RIT2: variants seen among roughly 807,000 people sequenced by gnomAD.
The protein encoded by RIT2 is Ras like without CAAX 2, also known as GTP-binding protein Rit2.
Under a neutral mutation model 23.7 loss-of-function variants are expected in RIT2, and 24 were observed. The ratio of observed to expected loss-of-function variants is 1.01; its 90% CI spans 0.73 to 1.43. The LOEUF (loss-of-function observed/expected upper bound fraction) is 1.43. Among genes scored for constraint, RIT2 ranks in the 40% most tolerant of loss-of-function variants. The pLI is 0.00. For missense variants in RIT2, 236 were observed against 266.9 expected (o/e 0.88, Z 0.81); for synonymous variants, 107 against 91.1 (o/e 1.17, Z -0.99).
At chr18:42,793,951 C>T (rs2143950382) in intron 4 of RIT2, among the ~76,000 whole-genome samples, 1 of 152,236 alleles carries the variant, frequency 6.6e-6, no homozygotes, top group South Asian at 2.1e-4. Context: ...AAAGCCTTCT[C>T]TCATATCCAA....
chr18:42,974,015 T>C lies in RIT2; in HGVS notation c.234+59A>G, dbSNP rs188930000. ...CATCTTCTCCTTTGTTGTAAATATA[T>C]TTGAAGCTAAAGCATAAAATAAACT... On this transcript the variant is annotated intron_variant, in intron 3 of 4. Transcript: ENST00000326695. 37 of 1,091,646 alleles carry C rather than the reference T, an allele frequency of 3.4e-5. No homozygotes were observed. In the African/African-American group the frequency reaches 5.6e-4, roughly 16 times the overall value. 67.6% of individuals were successfully genotyped at this position (1,091,646 alleles called of 1,614,324 possible). A position where few individuals can be genotyped will look rare whatever the true frequency, so the allele number is the denominator to read the frequency against.
chr18:42,863,259 T>A (rs1031973335), intron 4 of RIT2, among the ~76,000 whole-genome samples: 2 of 152,132 alleles, frequency 1.3e-5, no homozygotes, highest in Non-Finnish European at 2.9e-5. Context: ...TTTGGCAGAG[T>A]CTTCCTTTTG....
rs77209685 is a variant in RIT2 at position 43,017,235 on chromosome 18, C to T, written c.160+16576G>A. ...ACACTTTGTTAGCTCATTTTAGGTA[C>T]GCTTAAAATAGCTTTTACATCTCAA... On this transcript the variant is annotated intron_variant, in intron 2 of 4. Coordinates refer to ENST00000326695, the MANE Select transcript of RIT2 (RefSeq NM_002930.4). Among the ~76,000 whole-genome samples the T allele has an allele frequency of 5.8e-3, 881 of 151,988 alleles. 25 individuals are homozygous for T. The highest frequency in any genetic ancestry group is 0.049 in the East Asian group (253 of 5,144).
intron 2 of RIT2, among the ~76,000 whole-genome samples, chr18:43,027,117 T>C (rs1256378991): frequency 7.1e-6 from 1 of 140,600 alleles, no homozygotes; most frequent in African/African-American, 2.9e-5. Context: ...ATTAATATTA[T>C]CCTTGGACTA....
At chr18:43,069,462 C>A (rs2144333389) in intron 1 of RIT2, among the ~76,000 whole-genome samples, 1 of 152,214 alleles carries the variant, frequency 6.6e-6, no homozygotes, top group East Asian at 1.9e-4. Context: ...AATAAGTCTT[C>A]TTGTTATCTC....
intron 4 of RIT2, among the ~76,000 whole-genome samples, chr18:42,885,402 G>A (rs906624761): frequency 3.3e-5 from 5 of 152,212 alleles, no homozygotes; most frequent in East Asian, 3.9e-4. Context: ...TGGCTAACGC[G>A]GTGAAACCCC....
intron 3 of RIT2, among the ~76,000 whole-genome samples, chr18:42,942,734 G>A (rs577872739): frequency 6.6e-6 from 1 of 152,220 alleles, no homozygotes; most frequent in South Asian, 2.1e-4. Flanking sequence ...TTAGTCCACA[G>A]TGGGTTCCCA....
chr18:42,937,122 G>C (rs1267952670), intron 3 of RIT2, among the ~76,000 whole-genome samples: 2 of 152,010 alleles, frequency 1.3e-5, no homozygotes, highest in African/African-American at 4.8e-5. Context: ...TTCTCATCTG[G>C]ATTATGGAAA....
intron 1 of RIT2, among the ~76,000 whole-genome samples, chr18:43,081,413 C>T (rs1913155140): frequency 6.6e-6 from 1 of 152,122 alleles, no homozygotes; most frequent in Admixed American, 6.6e-5. Context: ...ATCAATCCAT[C>T]TCAGTAAACT....
intron 4 of RIT2, among the ~76,000 whole-genome samples, chr18:42,898,150 C>T (rs1908381277): frequency 1.3e-5 from 2 of 152,074 alleles, no homozygotes; most frequent in Admixed American, 6.6e-5. Flanking sequence ...GCCTGAAATC[C>T]CAGCACTTTG....
intron 2 of RIT2, among the ~76,000 whole-genome samples, chr18:42,987,923 G>A (rs1910751177): frequency 6.6e-6 from 1 of 152,150 alleles, no homozygotes. Context: ...TAAGAACCAT[G>A]AGAGTAGTAC....
chr18:43,000,336 T>A (rs1911074731), intron 2 of RIT2, among the ~76,000 whole-genome samples: 1 of 151,970 alleles, frequency 6.6e-6, no homozygotes, highest in Non-Finnish European at 1.5e-5. Flanking sequence ...AGAAAGATAA[T>A]GAATAGTTTA....
chr18:43,103,645 G>A (rs953251523), intron 1 of RIT2, among the ~76,000 whole-genome samples: 4 of 152,146 alleles, frequency 2.6e-5, no homozygotes, highest in East Asian at 1.9e-4. Context: ...AGATCAAATC[G>A]AACAAATTGA....
chr18:42,850,469 C>T (rs1907023260), intron 4 of RIT2, among the ~76,000 whole-genome samples: 1 of 152,036 alleles, frequency 6.6e-6, no homozygotes, highest in Admixed American at 6.6e-5. Context: ...GTGTTAATAG[C>T]CTTTACGCAT....
At chr18:42,939,563 G>C (rs1909543766) in intron 3 of RIT2, among the ~76,000 whole-genome samples, 1 of 152,018 alleles carries the variant, frequency 6.6e-6, no homozygotes, top group Non-Finnish European at 1.5e-5. Context: ...CTTATCTCCT[G>C]AAATGGTTTA....
At chr18:43,060,083 A>G (rs1912608768) in intron 1 of RIT2, among the ~76,000 whole-genome samples, 1 of 152,136 alleles carries the variant, frequency 6.6e-6, no homozygotes, top group South Asian at 2.1e-4. Context: ...TAACTAAATA[A>G]TTAACTTGAA....
At chr18:42,998,801 A>G (rs1160732438) in intron 2 of RIT2, among the ~76,000 whole-genome samples, 2 of 152,102 alleles carry the variant, frequency 1.3e-5, no homozygotes, top group Non-Finnish European at 2.9e-5. Context: ...GGTGTCTGCA[A>G]TTAACGCCTC....
At chr18:43,085,061 G>A (rs934543907) in intron 1 of RIT2, among the ~76,000 whole-genome samples, 1 of 152,028 alleles carries the variant, frequency 6.6e-6, no homozygotes, top group Non-Finnish European at 1.5e-5. Context: ...GAATGAGAAG[G>A]AAGCGGGAGG....
intron 4 of RIT2, among the ~76,000 whole-genome samples, chr18:42,839,754 C>T (rs1051813639): frequency 6.6e-6 from 1 of 152,118 alleles, no homozygotes; most frequent in Non-Finnish European, 1.5e-5. Context: ...AGAGAATGAA[C>T]ATACGAATGG....
Sources: gnomAD v4.1 joint callset for allele counts (sites outside exome capture counted in the v4.1 genomes callset) on GRCh38, gnomAD v4.1.1 for gene constraint, MANE v1.5 for transcripts, NCBI Gene and HGNC (gene_info 2026-07-23, HGNC 2026-07-21) for gene names.